Variants in PELP1 observed in about 807,000 individuals in gnomAD.
PELP1 encodes the protein proline-, glutamic acid- and leucine-rich protein 1.
Under a neutral mutation model 95.5 loss-of-function variants are expected in PELP1, and 32 were observed. The observed-to-expected ratio is 0.34, with a 90% CI of 0.25 to 0.45. The LOEUF is 0.45. Among genes scored for constraint, PELP1 ranks in the 20% least tolerant of loss-of-function variants. The pLI is 1.00. For missense variants in PELP1, 1,358 were observed against 1,444.8 expected, an observed-to-expected ratio of 0.94 and a Z score of 0.97; for synonymous variants, 668 against 600.1, an observed-to-expected ratio of 1.11 and a Z score of -1.65.
chr17:4,685,817 C>T (rs1912890754), intron 3 of PELP1, among the ~76,000 whole-genome samples: 1 of 103,280 alleles, frequency 9.7e-6, no homozygotes, highest in Admixed American at 9.5e-5. Context: ...AAAAAAAGGG[C>T]TGGGCTTGGT....
At chr17:4,691,276 G>T (rs1913088640) in intron 2 of PELP1, 102 bp downstream of exon 2, 2 of 841,468 alleles carry the variant, frequency 2.4e-6, no homozygotes, top group Non-Finnish European at 4.0e-6. Context: ...AATAGAGAGA[G>T]GTCTTGAATC....
At chr17:4,691,467 G>T in intron 1 of PELP1, 25 bp from the exon 2 acceptor site, 1 of 1,586,058 alleles carries the variant, frequency 6.3e-7, no homozygotes, top group Non-Finnish European at 8.7e-7. Flanking sequence ...ACAGGGAAGC[G>T]AGTCACAAAC....
intron 1 of PELP1, among the ~76,000 whole-genome samples, chr17:4,692,903 G>T (rs1297256845): frequency 1.3e-5 from 2 of 152,018 alleles, no homozygotes; most frequent in South Asian, 4.2e-4. Context: ...CCAGCTACTC[G>T]GGAGGCTGAG....
intron 1 of PELP1, among the ~76,000 whole-genome samples, chr17:4,693,066 T>C (rs968861002): frequency 6.6e-6 from 1 of 152,272 alleles, no homozygotes; most frequent in South Asian, 2.1e-4. Flanking sequence ...ACAAGATGTA[T>C]TGATACTCTC....
In PELP1 at chr17:4,683,374, C is replaced by T. The variant is rs36002871; in HGVS notation, c.421-422G>A. On this transcript the variant is annotated intron_variant, in intron 3 of 16. Coordinates refer to ENST00000572293, the MANE Select transcript of PELP1 (RefSeq NM_014389.3). ...TAGCTGAGACTACAAGCGCCCGCCA[C>T]CACGCCTGACTAATTTTTTGTATTT... Among the ~76,000 whole-genome samples, 452 of 151,706 alleles carry T rather than the reference C, an allele frequency of 3.0e-3. 5 individuals are homozygous for T. Among genetic ancestry groups the T allele is most frequent in the Non-Finnish European group, 5.3e-3 (357 of 67,866 alleles).
chr17:4,671,696 C>G lies in PELP1; in HGVS notation c.3295G>C (p.Glu1099Gln). ...TTCCCTGCCTGGCCTCTCACCTTTTCCTGGAGAGCTTCGGCCTCTGTCTCT... is the reference window on the plus strand; with the variant it reads ...TTCCCTGCCTGGCCTCTCACCTTTTGCTGGAGAGCTTCGGCCTCTGTCTCT... ...ETETEAEALQ[E>Q]KEQDDTAAML... is the part of the protein sequence containing the mutation. The change falls in exon 16 of 17, where the codon GAA becomes CAA. Residue 1099 changes from glutamate (E) to glutamine (Q), a missense_variant. Transcript: ENST00000572293. The G allele has an allele frequency of 6.4e-7, 1 of 1,572,796 alleles. No individual in the cohort carries two copies. Among genetic ancestry groups the G allele is most frequent in the Non-Finnish European group, 8.6e-7 (1 of 1,164,036 alleles).
chr17:4,687,867 CGTTAAAA>C (rs1281378693), intron 3 of PELP1, among the ~76,000 whole-genome samples: 2 of 152,136 alleles, frequency 1.3e-5, no homozygotes, highest in African/African-American at 4.8e-5. Context: ...AAAATTAAAA[CGTTAAAA>C]GAGCAACAAA....
At chr17:4,689,771 T>C (rs1226773738) in intron 3 of PELP1, among the ~76,000 whole-genome samples, 1 of 152,210 alleles carries the variant, frequency 6.6e-6, no homozygotes, top group East Asian at 1.9e-4. Flanking sequence ...CTCATGCCTG[T>C]AATCCCAGCA....
chr17:4,676,607 G>A (rs144449771), intron 6 of PELP1, 100 bp from the exon 7 acceptor site: 21 of 1,470,600 alleles, frequency 1.4e-5, no homozygotes, highest in Non-Finnish European at 2.0e-5. Context: ...ATCAGAGAGA[G>A]CTCTGAGGGA....
intron 3 of PELP1, 128 bp from the exon 4 acceptor site, chr17:4,683,080 C>T (rs1054632161): frequency 1.3e-5 from 17 of 1,333,542 alleles, no homozygotes; most frequent in Non-Finnish European, 1.5e-5. Flanking sequence ...AAGCCACTAC[C>T]TGGCAGAAAA....
chr17:4,691,399 C>A lies in PELP1; in HGVS notation c.293G>T (p.Arg98Leu). The part of the protein sequence containing the change: ...LGALVSLSNA[R>L]LSSIKTRFEG... ...TTACCGAGTTTTGATGGAACTGAGA[C>A]GTGCATTACTGAGACTCACCAATGC... Residue 98 changes from arginine to leucine, a missense_variant, in exon 2 of 17, where the codon CGT (arginine) becomes CTT (leucine). Coordinates refer to ENST00000572293, the MANE Select transcript of PELP1 (RefSeq NM_014389.3). 6.2e-7 allele frequency: 1 copy of A among 1,613,518 alleles called. No individual in the cohort carries two copies. The highest frequency in any genetic ancestry group is 8.5e-7 in the Non-Finnish European group (1 of 1,179,500).
In PELP1 at chr17:4,673,666, G is replaced by A. The variant is rs201451469; in HGVS notation, c.1591C>T (p.Arg531Trp). 561 of 1,613,790 alleles carry A rather than the reference G, an allele frequency of 3.5e-4. No individual in the cohort carries two copies. The highest frequency in any genetic ancestry group is 4.1e-4 in the Non-Finnish European group (485 of 1,179,724). Residue 531 changes from arginine to tryptophan, a missense_variant, in exon 14 of 17, where the codon CGG becomes TGG. Physicochemically the swap from Arg to Trp is moderately radical, Grantham distance 101 (BLOSUM62 -3). Around this residue, in one of 7 missense-constraint regions of PELP1, gnomAD observed 538 missense variants for 628.1 expected, o/e 0.86. Coordinates refer to ENST00000572293, the MANE Select transcript of PELP1 (RefSeq NM_014389.3). The surrounding 1 kb of genome is among the most constrained non-coding windows in gnomAD (Gnocchi z 5.7). Reference sequence around the variant, plus strand: ...AGAGGCCCACACATGAGGATGGTCCGGCTGAGGCCTGGGGAAGAAGAATGG... The same window carrying A: ...AGAGGCCCACACATGAGGATGGTCCAGCTGAGGCCTGGGGAAGAAGAATGG... ...VCAAALRGLS[R>W]TILMCGPLIK... is the part of the protein sequence containing the mutation.
intron 6 of PELP1, 61 bp from the exon 7 acceptor site, chr17:4,676,568 A>G (rs1413132761): frequency 6.3e-7 from 1 of 1,586,308 alleles, no homozygotes. Context: ...CAGAACCCCC[A>G]GCCCCACTGA....
Position 4,675,452 on chromosome 17 carries a change from A to G in PELP1, c.1069-90T>C, listed in dbSNP as rs1336136958. The G allele has an allele frequency of 4.7e-6, 4 of 854,496 alleles. No individual in the cohort carries two copies. Among genetic ancestry groups the G allele is most frequent in the Non-Finnish European group, 7.7e-6 (4 of 522,416 alleles). The allele number at this position is 854,496 out of a possible 1,614,324, so 52.9% of individuals were successfully genotyped here. On this transcript the variant is annotated intron_variant, in intron 9 of 16. Transcript: ENST00000572293. This position sits in a 1 kb window ranked among gnomAD's most constrained non-coding sequence, Gnocchi z 4.3. ...ACAGGGAATGACCATTTACATATGTACACATAGGTAAGAAACCCAACCCCT... is the reference window on the plus strand; with the variant it reads ...ACAGGGAATGACCATTTACATATGTGCACATAGGTAAGAAACCCAACCCCT...
At chr17:4,686,019 C>T (rs1007306476) in intron 3 of PELP1, among the ~76,000 whole-genome samples, 6 of 152,092 alleles carry the variant, frequency 3.9e-5, no homozygotes, top group Non-Finnish European at 7.4e-5. Flanking sequence ...ATCATTTGAA[C>T]CCGGGAGGTG....
chr17:4,676,655 G>T, intron 6 of PELP1, 98 bp downstream of exon 6: 1 of 1,359,250 alleles, frequency 7.4e-7, no homozygotes, highest in South Asian at 1.2e-5. Flanking sequence ...GGACACAGAT[G>T]GGCATATGAA....
rs753550263 is a variant in PELP1 at position 4,675,224 on chromosome 17, G to A, written c.1158-29C>T. On this transcript the variant is annotated intron_variant, in intron 10 of 16. Transcript: ENST00000572293. This position sits in a 1 kb window ranked among gnomAD's most constrained non-coding sequence, Gnocchi z 4.3. ...GGGCAGAGAAGGAATGGTGACCCTCGTTTCTGGCACGCCCTATCCCTTCAC... is the reference window on the plus strand; with the variant it reads ...GGGCAGAGAAGGAATGGTGACCCTCATTTCTGGCACGCCCTATCCCTTCAC... 6.2e-6 allele frequency: 10 copies of A among 1,606,654 alleles called. No homozygotes were observed. In the Admixed American group the frequency reaches 8.5e-5, roughly 14 times the overall value.
intron 1 of PELP1, among the ~76,000 whole-genome samples, chr17:4,695,561 G>C (rs1215571503): frequency 6.6e-6 from 1 of 151,142 alleles, no homozygotes; most frequent in Non-Finnish European, 1.5e-5. Context: ...AGCTACTCGG[G>C]AGGCTGAGGC....
chr17:4,701,610 T>C (rs1010919886), intron 1 of PELP1, among the ~76,000 whole-genome samples: 1 of 152,238 alleles, frequency 6.6e-6, no homozygotes, highest in African/African-American at 2.4e-5. Context: ...TTGCAGTACC[T>C]GCGGAAAAGC....
Sources: allele counts gnomAD v4.1 joint callset (sites outside exome capture counted in the v4.1 genomes callset), GRCh38; gene constraint gnomAD v4.1.1; regional missense constraint gnomAD v4.1.1; non-coding constraint Gnocchi (gnomAD v3.1); transcripts MANE v1.5; gene names NCBI Gene and HGNC (gene_info 2026-07-23, HGNC 2026-07-21).